Variants in LRRFIP1 observed in about 807,000 individuals in gnomAD.
LRRFIP1 encodes leucine-rich repeat flightless-interacting protein 1.
In LRRFIP1, 62 loss-of-function variants were observed where a neutral mutation model predicts 104.4. The observed-to-expected ratio is 0.59, with a 90% CI of 0.48 to 0.73. LRRFIP1 has a LOEUF of 0.73. Ranked by LOEUF, LRRFIP1 falls within the 30% of genes least tolerant of loss-of-function variation. The pLI, the probability that LRRFIP1 is intolerant of heterozygous loss-of-function variation, is 0.00. For missense variants in LRRFIP1, 796 were observed against 824.5 expected, an observed-to-expected ratio of 0.97 and a Z score of 0.42; for synonymous variants, 300 against 299.0, an observed-to-expected ratio of 1.00 and a Z score of -0.03.
At chr2:237,724,364 T>C (rs1490161402) in intron 7 of LRRFIP1, among the ~76,000 whole-genome samples, 6 of 152,232 alleles carry the variant, frequency 3.9e-5, no homozygotes, top group Non-Finnish European at 8.8e-5. Context: ...ATTTAGTAAA[T>C]TCTTGTTTTA....
chr2:237,745,031 A>T lies in LRRFIP1; in HGVS notation c.634-3333A>T, dbSNP rs191734808. Among the ~76,000 whole-genome samples, 16 of 152,304 alleles carry T rather than the reference A, an allele frequency of 1.1e-4. No homozygotes were observed. In the East Asian group the frequency reaches 3.1e-3, roughly 29 times the overall value. Reference sequence around the variant, plus strand: ...ATCCTTTCTTGTCTTCCATTTCTTCATCATTTTAGGGAGGAAGTGCTGTGC... The same window carrying T: ...ATCCTTTCTTGTCTTCCATTTCTTCTTCATTTTAGGGAGGAAGTGCTGTGC... On this transcript the variant is annotated intron_variant, in intron 11 of 23. Coordinates refer to ENST00000308482, the MANE Select transcript of LRRFIP1 (RefSeq NM_001137550.2).
At chr2:237,739,363 C>G in intron 11 of LRRFIP1, 54 bp downstream of exon 11, 2 of 1,414,982 alleles carry the variant, frequency 1.4e-6, no homozygotes, top group Non-Finnish European at 1.9e-6. Context: ...CCTCCCCCTT[C>G]CCTTATCCTC....
intron 1 of LRRFIP1, among the ~76,000 whole-genome samples, 179 bp downstream of exon 1, chr2:237,627,919 G>A (rs1463257007): frequency 6.6e-6 from 1 of 150,842 alleles, no homozygotes; most frequent in African/African-American, 2.4e-5. Flanking sequence ...GCTGCGCCCC[G>A]GCCCCGATCT....
chr2:237,692,354 T>A, intron 1 of LRRFIP1: 1 of 1,274,248 alleles, frequency 7.8e-7, no homozygotes, highest in Non-Finnish European at 1.0e-6. Context: ...AGTGGCTCCG[T>A]CTCCGCGGAC....
intron 7 of LRRFIP1, among the ~76,000 whole-genome samples, chr2:237,727,028 C>T (rs550258722): frequency 3.3e-5 from 5 of 152,300 alleles, no homozygotes; most frequent in South Asian, 4.1e-4. Flanking sequence ...ATATACCCCA[C>T]GATGAACTTT....
In LRRFIP1 at chr2:237,650,543, A is replaced by AGCCCCGTGCCCCTGGCTGTGTTCCTT. The variant is rs1339369967; in HGVS notation, c.96+22803_96+22804insGCCCCGTGCCCCTGGCTGTGTTCCTT. Among the ~76,000 whole-genome samples the AGCCCCGTGCCCCTGGCTGTGTTCCTT allele has an allele frequency of 2.9e-3, 430 of 149,654 alleles. 3 individuals are homozygous for AGCCCCGTGCCCCTGGCTGTGTTCCTT. The highest frequency in any genetic ancestry group is 3.9e-3 in the Non-Finnish European group (261 of 66,422). The stretch of plus-strand genomic sequence containing the variant: ...TACGCACTGCAGAAGCCCTGGGAGC[A>AGCCCCGTGCCCCTGGCTGTGTTCCTT]CCCTTCACACTGACTCCTGTGTGAA... On this transcript the variant is annotated intron_variant, in intron 1 of 23. Coordinates refer to ENST00000308482, the MANE Select transcript of LRRFIP1 (RefSeq NM_001137550.2).
intron 1 of LRRFIP1, among the ~76,000 whole-genome samples, chr2:237,698,242 C>T (rs2093318438): frequency 6.6e-6 from 1 of 152,188 alleles, no homozygotes; most frequent in African/African-American, 2.4e-5. Flanking sequence ...TGGCATGAAC[C>T]CAAAGAATTT....
chr2:237,674,704 C>T (rs527543068), intron 1 of LRRFIP1, among the ~76,000 whole-genome samples: 209 of 152,330 alleles, frequency 1.4e-3, no homozygotes, highest in Non-Finnish European at 2.7e-3. Context: ...GTAGCATTAC[C>T]TTCCATTATG....
intron 1 of LRRFIP1, among the ~76,000 whole-genome samples, chr2:237,701,372 A>G (rs1487946599): frequency 6.6e-6 from 1 of 152,236 alleles, no homozygotes; most frequent in East Asian, 1.9e-4. Context: ...CAGTACTCCC[A>G]CTGCCTACAA....
chr2:237,724,563 A>G (rs755950897), intron 7 of LRRFIP1, among the ~76,000 whole-genome samples: 18 of 152,158 alleles, frequency 1.2e-4, no homozygotes, highest in Admixed American at 7.2e-4. Context: ...AGATTCAGAA[A>G]GCGCTCTTCA....
intron 1 of LRRFIP1, among the ~76,000 whole-genome samples, chr2:237,702,925 G>A (rs2093615907): frequency 6.6e-6 from 1 of 152,222 alleles, no homozygotes; most frequent in Non-Finnish European, 1.5e-5. Context: ...AGACAAGTCA[G>A]AGGGAGATAA....
intron 1 of LRRFIP1, among the ~76,000 whole-genome samples, chr2:237,669,571 C>T (rs185211811): frequency 1.1e-3 from 160 of 152,224 alleles, no homozygotes; most frequent in Non-Finnish European, 2.0e-3. Flanking sequence ...ATATCTTCCT[C>T]ATGTCTTTAA....
chr2:237,701,425 T>A (rs1476753350), intron 1 of LRRFIP1, among the ~76,000 whole-genome samples: 1 of 152,196 alleles, frequency 6.6e-6, no homozygotes, highest in Non-Finnish European at 1.5e-5. Flanking sequence ...TGGAAGCACA[T>A]GTGGGCTAGG....
chr2:237,768,108 A>G (rs1209953805), intron 19 of LRRFIP1: 1 of 152,228 alleles, frequency 6.6e-6, no homozygotes, highest in African/African-American at 2.4e-5. Flanking sequence ...ATTCAACAAT[A>G]TAGACTTGGT....
Position 237,770,012 on chromosome 2 carries a change from T to C in LRRFIP1, c.1509+20T>C. 6.3e-7 allele frequency: 1 copy of C among 1,591,122 alleles called. No individual in the cohort carries two copies. The stretch of plus-strand genomic sequence containing the variant: ...GAACAGGTAACAATCTTTTTATTAC[T>C]TTACCGGTTCATGAACAGGGCACCT... On this transcript the variant is annotated intron_variant, in intron 20 of 23. Coordinates refer to ENST00000308482, the MANE Select transcript of LRRFIP1 (RefSeq NM_001137550.2).
In LRRFIP1 at chr2:237,735,991, C is replaced by T. The variant is rs1340447516; in HGVS notation, c.555+658C>T. Among the ~76,000 whole-genome samples the T allele has an allele frequency of 2.0e-5, 3 of 152,166 alleles. No individual in the cohort carries two copies. Among genetic ancestry groups the T allele is most frequent in the South Asian group, 2.1e-4 (1 of 4,834 alleles). ...GCGGTGGATCTCCTGTATTCAGAGG[C>T]TCCTCCCCAATCCTATAAAAATGTC... On this transcript the variant is annotated intron_variant, in intron 10 of 23. Transcript: ENST00000308482. The surrounding 1 kb of genome is among the most constrained non-coding windows in gnomAD (Gnocchi z 4.6).
Position 237,649,977 on chromosome 2 carries a change from T to G in LRRFIP1, c.96+22237T>G, listed in dbSNP as rs779869843. Reference sequence around the variant, plus strand: ...ACTGGGCAGATTTTTACTTAGCACATTCCCTGTGCTGGGGACTTCCCCGGG... The same window carrying G: ...ACTGGGCAGATTTTTACTTAGCACAGTCCCTGTGCTGGGGACTTCCCCGGG... On this transcript the variant is annotated intron_variant, in intron 1 of 23. Coordinates refer to ENST00000308482, the MANE Select transcript of LRRFIP1 (RefSeq NM_001137550.2). This position sits in a 1 kb window ranked among gnomAD's most constrained non-coding sequence, Gnocchi z 4.1. 6.6e-6 allele frequency among the ~76,000 whole-genome samples: 1 copy of G among 152,088 alleles called. No individual in the cohort carries two copies. Among genetic ancestry groups the G allele is most frequent in the African/African-American group, 2.4e-5 (1 of 41,464 alleles).
intron 3 of LRRFIP1, among the ~76,000 whole-genome samples, chr2:237,715,482 A>T (rs1575748808): frequency 6.6e-6 from 1 of 151,964 alleles, no homozygotes; most frequent in Admixed American, 6.6e-5. Flanking sequence ...AGGTCACATT[A>T]TTTTCTTTTT....
At chr2:237,746,993 C>T (rs3947457) in intron 11 of LRRFIP1, among the ~76,000 whole-genome samples, 1 of 152,234 alleles carries the variant, frequency 6.6e-6, no homozygotes, top group Non-Finnish European at 1.5e-5. Flanking sequence ...CACTCCTGCT[C>T]TTGGGACACA....
Sources: gnomAD v4.1 joint callset for allele counts (sites outside exome capture counted in the v4.1 genomes callset) on GRCh38, gnomAD v4.1.1 for gene constraint, Gnocchi (gnomAD v3.1) non-coding constraint, MANE v1.5 for transcripts, NCBI Gene and HGNC (gene_info 2026-07-23, HGNC 2026-07-21) for gene names.